UGT3A1: variants seen among roughly 807,000 people sequenced by gnomAD.
UGT3A1 encodes the protein UDP glycosyltransferase family 3 member A1.
In UGT3A1, 40 loss-of-function variants were observed where a neutral mutation model predicts 37.6. The ratio of observed to expected loss-of-function variants is 1.06; its 90% CI spans 0.83 to 1.38. The LOEUF (loss-of-function observed/expected upper bound fraction) is 1.38, where lower values mean the gene tolerates loss of function less well. Among genes scored for constraint, UGT3A1 ranks in the 40% most tolerant of loss-of-function variants. UGT3A1 has a pLI of 0.00. For missense variants in UGT3A1, 642 were observed against 634.2 expected (o/e 1.01, Z -0.13); for synonymous variants, 256 against 232.3 (o/e 1.10, Z -0.93).
intron 2 of UGT3A1, among the ~76,000 whole-genome samples, chr5:35,985,555 G>A (rs2149989057): frequency 6.6e-6 from 1 of 152,104 alleles, no homozygotes; most frequent in South Asian, 2.1e-4. Context: ...ACCTACACAT[G>A]TATAGCAACC....
chr5:35,958,652 A>G (rs1739453292), intron 4 of UGT3A1, among the ~76,000 whole-genome samples: 1 of 152,252 alleles, frequency 6.6e-6, no homozygotes, highest in Non-Finnish European at 1.5e-5. Flanking sequence ...CCAGTCAAAG[A>G]TACACAGCAA....
rs1217340009 is a variant in UGT3A1, at chr5:35,953,428, A to G, written c.*774T>C. ...CTAAGGTTTTACCATATAGAAGGGT[A>G]TTAACTGCCATGTCGGGGATGGAAG... On this transcript the variant is annotated 3_prime_UTR_variant, in exon 7 of 7. Transcript: ENST00000274278. 6.6e-6 allele frequency: 1 copy of G among 152,466 alleles called. No individual in the cohort carries two copies. Among genetic ancestry groups the G allele is most frequent in the Non-Finnish European group, 1.5e-5 (1 of 68,038 alleles). The allele number at this position is 152,466 out of a possible 1,614,324, so 9.4% of individuals were successfully genotyped here.
At chr5:35,974,804 TA>T (rs1441315215) in intron 2 of UGT3A1, among the ~76,000 whole-genome samples, 1 of 152,212 alleles carries the variant, frequency 6.6e-6, no homozygotes, top group African/African-American at 2.4e-5. Context: ...CTTCACTCTC[TA>T]ACCTCAAGGA....
Position 35,991,134 on chromosome 5 carries a change from G to A in UGT3A1, c.94+13C>T. 5 of 1,614,176 alleles carry A rather than the reference G, an allele frequency of 3.1e-6. No homozygotes were observed. The highest frequency in any genetic ancestry group is 4.2e-6 in the Non-Finnish European group (5 of 1,180,016). On this transcript the variant is annotated intron_variant, in intron 1 of 6. Transcript: ENST00000274278. ...GACGCGCCTGTCTGGGAATTCTCCG[G>A]CCAAGCACTCACCCAGTGTAGATAT...
intron 1 of UGT3A1, 21 bp from the exon 2 acceptor site, chr5:35,988,572 CT>C (rs753191026): frequency 6.4e-7 from 1 of 1,563,230 alleles, no homozygotes; most frequent in East Asian, 2.2e-5. Context: ...TGCACAATGT[CT>C]TTTGTAAAGA....
upstream of UGT3A1, among the ~76,000 whole-genome samples, chr5:35,994,703 T>C (rs1193237959): frequency 1.3e-5 from 2 of 152,074 alleles, no homozygotes; most frequent in East Asian, 3.9e-4. Context: ...CCAGTTTAGG[T>C]TGTGATGGCC....
At chr5:35,987,443 G>A (rs1326548733) in intron 2 of UGT3A1, among the ~76,000 whole-genome samples, 9 of 152,120 alleles carry the variant, frequency 5.9e-5, no homozygotes, top group Non-Finnish European at 1.3e-4. Flanking sequence ...TGCATGGTCT[G>A]TTAAAGTAGT....
chr5:35,983,401 C>T (rs923337676), intron 2 of UGT3A1, among the ~76,000 whole-genome samples: 1 of 152,020 alleles, frequency 6.6e-6, no homozygotes, highest in Admixed American at 6.5e-5. Context: ...GAAATCAAAG[C>T]CATAATAGAG....
In UGT3A1 at chr5:35,954,400, C is replaced by T. The variant is rs1288749937; in HGVS notation, c.1374G>A (p.Trp458Ter). 1 of 1,614,184 alleles carries T rather than the reference C, an allele frequency of 6.2e-7. No homozygotes were observed. The highest frequency in any genetic ancestry group is 2.2e-5 in the East Asian group (1 of 44,878). The part of the protein sequence containing the change: ...PLSPAQRLVG[W>*]IDHILQTGGA... ...CCCCAGTCTGGAGGATGTGGTCGAT[C>T]CAGCCCACCAGCCGCTGTGCGGGGC... The change falls in exon 7 of 7, where the codon TGG becomes TGA. Residue 458 changes from tryptophan (W) to a stop codon, truncating the protein, a stop_gained. Coordinates refer to ENST00000274278, the MANE Select transcript of UGT3A1 (RefSeq NM_152404.4). LOFTEE classifies it low-confidence loss of function (END_TRUNC).
At chr5:35,978,882 G>T (rs1446214625) in intron 2 of UGT3A1, among the ~76,000 whole-genome samples, 2 of 152,210 alleles carry the variant, frequency 1.3e-5, no homozygotes, top group African/African-American at 4.8e-5. Context: ...TAGTTACAAT[G>T]AGGGTAGAGG....
chr5:35,988,405 T>A (rs1328940869), intron 2 of UGT3A1, 45 bp downstream of exon 2: 4 of 1,382,196 alleles, frequency 2.9e-6, no homozygotes, highest in Non-Finnish European at 4.0e-6. Flanking sequence ...TATCACTTTT[T>A]GCTTAGAGTA....
chr5:35,990,796 A>T (rs951263270), intron 1 of UGT3A1, among the ~76,000 whole-genome samples: 4 of 152,182 alleles, frequency 2.6e-5, no homozygotes, highest in Non-Finnish European at 4.4e-5. Flanking sequence ...CATGGAGCTT[A>T]GGGTGAGCCT....
rs533748260 is a variant in UGT3A1, at chr5:35,989,508, T to C, written c.95-957A>G. The stretch of plus-strand genomic sequence containing the variant: ...AGCTGTCTGAATGACTCACTCTACT[T>C]ATACTCAGACTTGAATAGTCTAAAG... On this transcript the variant is annotated intron_variant, in intron 1 of 6. Coordinates refer to ENST00000274278, the MANE Select transcript of UGT3A1 (RefSeq NM_152404.4). Among the ~76,000 whole-genome samples, 21 of 152,308 alleles carry C rather than the reference T, an allele frequency of 1.4e-4. 1 individual carries two copies. The South Asian group carries it at 4.4e-3, about 32-fold the overall frequency.
intron 6 of UGT3A1, chr5:35,955,157 G>A (rs1218548125): frequency 5.5e-6 from 1 of 183,168 alleles, no homozygotes; most frequent in African/African-American, 2.4e-5. Flanking sequence ...AGGCTGAGTG[G>A]GAGAGGAGGC....
intron 4 of UGT3A1, among the ~76,000 whole-genome samples, chr5:35,958,497 G>T (rs700163): frequency 0.21 from 32,576 of 152,108 alleles, 4,928 homozygotes; most frequent in East Asian, 0.68. Context: ...CAGCTTTGTT[G>T]TTCTTGTAAT....
rs147831589 is a variant in UGT3A1, at chr5:35,964,154, A to G, written c.843+1232T>C. 7.0e-3 allele frequency among the ~76,000 whole-genome samples: 1,060 copies of G among 152,308 alleles called. 12 individuals are homozygous for G. Among genetic ancestry groups the G allele is most frequent in the African/African-American group, 0.024 (979 of 41,558 alleles). Reference sequence around the variant, plus strand: ...GTCCACAATTAAAATAATCAAAAAGAGAAAAAATATTTGAAAACAAGCATC... The same window carrying G: ...GTCCACAATTAAAATAATCAAAAAGGGAAAAAATATTTGAAAACAAGCATC... On this transcript the variant is annotated intron_variant, in intron 4 of 6. Coordinates refer to ENST00000274278, the MANE Select transcript of UGT3A1 (RefSeq NM_152404.4).
intron 2 of UGT3A1, among the ~76,000 whole-genome samples, chr5:35,985,034 C>A (rs1195344189): frequency 7.5e-6 from 1 of 133,798 alleles, no homozygotes. Context: ...AACCAATCTA[C>A]TATTAATGGA....
chr5:35,979,479 C>T (rs1022366405), intron 2 of UGT3A1, among the ~76,000 whole-genome samples: 7 of 152,112 alleles, frequency 4.6e-5, no homozygotes, highest in Admixed American at 3.3e-4. Context: ...AAAGAGTGAC[C>T]TTTGCTTCAG....
At chr5:35,983,495 CAA>C (rs1368795109) in intron 2 of UGT3A1, among the ~76,000 whole-genome samples, 1 of 152,060 alleles carries the variant, frequency 6.6e-6, no homozygotes, top group Non-Finnish European at 1.5e-5. Flanking sequence ...CAATTCTACT[CAA>C]AGACTTCAAA....
Sources: allele counts gnomAD v4.1 joint callset (sites outside exome capture counted in the v4.1 genomes callset), GRCh38; gene constraint gnomAD v4.1.1; transcripts MANE v1.5; gene names NCBI Gene and HGNC (gene_info 2026-07-23, HGNC 2026-07-21).